The following PBX1 variants were observed in gnomAD, a reference collection of about 807,000 sequenced individuals.
PBX1 encodes PBX homeobox 1, also known as pre-B-cell leukemia transcription factor 1.
PBX1 carries 6 observed loss-of-function variants against 53.4 expected under a neutral mutation model. The ratio of observed to expected loss-of-function variants is 0.11; its 90% CI spans 0.06 to 0.22. The LOEUF (loss-of-function observed/expected upper bound fraction) is 0.22. Ranked by LOEUF, PBX1 falls within the 10% of genes least tolerant of loss-of-function variation. The probability of loss-of-function intolerance (pLI) is 1.00; values close to 1 mark genes in which losing one functional copy is unlikely to be tolerated. For missense variants in PBX1, 251 were observed against 551.4 expected (o/e 0.46, Z 5.46); for synonymous variants, 204 against 212.3 (o/e 0.96, Z 0.34).
chr1:164,626,791 A>T (rs1279073300), intron 2 of PBX1, among the ~76,000 whole-genome samples: 1 of 152,046 alleles, frequency 6.6e-6, no homozygotes, highest in Non-Finnish European at 1.5e-5. Context: ...GTTAATGACC[A>T]CTTTCAGGGC....
At chr1:164,764,431 CA>C (rs1323267860) in intron 2 of PBX1, among the ~76,000 whole-genome samples, 1 of 152,036 alleles carries the variant, frequency 6.6e-6, no homozygotes, top group Non-Finnish European at 1.5e-5. Context: ...GTCACAAATC[CA>C]TATAGAATAT....
chr1:164,834,029 ATGTGTGTGTGTGTG>A (rs35739146), intron 8 of PBX1, among the ~76,000 whole-genome samples: 15 of 128,286 alleles, frequency 1.2e-4, no homozygotes, highest in East Asian at 4.5e-4. Flanking sequence ...ATATATGTAT[ATGTGTGTGTGTGTG>A]TGTGTGTGTG....
intron 2 of PBX1, among the ~76,000 whole-genome samples, chr1:164,871,437 C>T (rs1184004625): frequency 6.6e-6 from 1 of 152,198 alleles, no homozygotes; most frequent in Non-Finnish European, 1.5e-5. Flanking sequence ...AGCAGGTTGG[C>T]AGTGTAATGT....
At chr1:164,710,782 G>C (rs1044963067) in intron 2 of PBX1, among the ~76,000 whole-genome samples, 1 of 152,206 alleles carries the variant, frequency 6.6e-6, no homozygotes, top group Non-Finnish European at 1.5e-5. Flanking sequence ...GTAAAATAGA[G>C]AAGAGGATCA....
chr1:164,766,928 C>T (rs537024620), intron 2 of PBX1, among the ~76,000 whole-genome samples: 216 of 151,908 alleles, frequency 1.4e-3, no homozygotes, highest in African/African-American at 4.6e-3. Flanking sequence ...CGGGGTTTCA[C>T]GATGTTGGTC....
At chr1:164,835,299 C>T (rs932366786) in intron 8 of PBX1, among the ~76,000 whole-genome samples, 3 of 146,656 alleles carry the variant, frequency 2.0e-5, no homozygotes, top group African/African-American at 5.0e-5. Flanking sequence ...TAGTACAGAA[C>T]ATTTAATGCA....
rs571724357 is a variant in PBX1, at chr1:164,685,302, CTT to C, written c.266-107190_266-107189del. On this transcript the variant is annotated intron_variant, in intron 2 of 8. Transcript: ENST00000420696. ...GGTGGAAATGGCTTTTTTGGTATCT[CTT>C]TGCATTATTACAGTTGTTGTTATTT... Among the ~76,000 whole-genome samples, 449 of 152,254 alleles carry C rather than the reference CTT, an allele frequency of 2.9e-3. 2 individuals are homozygous for C. The highest frequency in any genetic ancestry group is 0.01 in the African/African-American group (432 of 41,530).
intron 2 of PBX1, among the ~76,000 whole-genome samples, chr1:164,564,921 C>A (rs1653324417): frequency 6.6e-6 from 1 of 151,446 alleles, no homozygotes; most frequent in Admixed American, 6.6e-5. Flanking sequence ...TGTTTCTAAC[C>A]AAGTATGAGT....
intron 8 of PBX1, chr1:164,828,871 T>C (rs2102383623): frequency 6.6e-6 from 1 of 152,318 alleles, no homozygotes; most frequent in South Asian, 2.1e-4. Flanking sequence ...GACAAGCTTG[T>C]TTTCGGATAA....
At chr1:164,871,020 C>A (rs1279299817) in intron 2 of PBX1, among the ~76,000 whole-genome samples, 2 of 152,252 alleles carry the variant, frequency 1.3e-5, no homozygotes, top group Admixed American at 1.3e-4. Flanking sequence ...ATCATTATTT[C>A]ATCCTATTTA....
chr1:164,755,080 A>G (rs2102205322), intron 2 of PBX1, among the ~76,000 whole-genome samples: 1 of 152,324 alleles, frequency 6.6e-6, no homozygotes, highest in Non-Finnish European at 1.5e-5. Context: ...AAGTGAGTCA[A>G]CTGTCAGCTT....
intron 2 of PBX1, among the ~76,000 whole-genome samples, chr1:164,768,416 C>A (rs545264099): frequency 2.4e-4 from 36 of 152,336 alleles, no homozygotes; most frequent in African/African-American, 7.2e-4. Flanking sequence ...GCCCCTCAAC[C>A]TTGCAGGAAC....
At chr1:164,561,208 G>A (rs1227055992) in intron 1 of PBX1, among the ~76,000 whole-genome samples, 2 of 152,190 alleles carry the variant, frequency 1.3e-5, no homozygotes, top group African/African-American at 4.8e-5. Context: ...TACTTCAGAT[G>A]ACTTGGTTAT....
At chr1:164,861,850 A>T (rs908047935) in intron 2 of PBX1, among the ~76,000 whole-genome samples, 2 of 152,220 alleles carry the variant, frequency 1.3e-5, no homozygotes, top group African/African-American at 4.8e-5. Context: ...GGGCAGGAAC[A>T]TATGTGGTAG....
chr1:164,681,835 T>TAA (rs66530444), intron 2 of PBX1, among the ~76,000 whole-genome samples: 5 of 151,688 alleles, frequency 3.3e-5, no homozygotes, highest in East Asian at 3.9e-4. Context: ...AAACAAAAGT[T>TAA]AAAAAAAAAT....
intron 2 of PBX1, among the ~76,000 whole-genome samples, chr1:164,590,908 G>C (rs947563613): frequency 6.6e-6 from 1 of 152,066 alleles, no homozygotes; most frequent in Non-Finnish European, 1.5e-5. Context: ...GCAGTGGTGC[G>C]ATCTCGGCTC....
Position 164,622,808 on chromosome 1 carries a change from C to T in PBX1, c.265+59497C>T, listed in dbSNP as rs12093816. Among the ~76,000 whole-genome samples, 1,112 of 149,140 alleles carry T rather than the reference C, an allele frequency of 7.5e-3. 18 individuals carry two copies. Among genetic ancestry groups the T allele is most frequent in the African/African-American group, 0.026 (1,059 of 40,580 alleles). On this transcript the variant is annotated intron_variant, in intron 2 of 8. Transcript: ENST00000420696. Reference sequence around the variant, plus strand: ...GACACATGCTTGCTATACATACATACACACAGTTTCCATCTTTTTTTTTTT... The same window carrying T: ...GACACATGCTTGCTATACATACATATACACAGTTTCCATCTTTTTTTTTTT...
At chr1:164,683,195 C>T (rs1322988818) in intron 2 of PBX1, 1 of 152,174 alleles carries the variant, frequency 6.6e-6, no homozygotes, top group Non-Finnish European at 1.5e-5. Flanking sequence ...TGGTGTATAG[C>T]TTTCCTTATT....
chr1:164,604,599 G>A (rs1057488426), intron 2 of PBX1, among the ~76,000 whole-genome samples: 13 of 152,164 alleles, frequency 8.5e-5, no homozygotes, highest in African/African-American at 2.2e-4. Flanking sequence ...CCTGAGAGCC[G>A]TTGCCTATGC....
Sources: allele counts gnomAD v4.1 joint callset (sites outside exome capture counted in the v4.1 genomes callset), GRCh38; gene constraint gnomAD v4.1.1; transcripts MANE v1.5; gene names NCBI Gene and HGNC (gene_info 2026-07-23, HGNC 2026-07-21).